Variants in MYLK observed in about 807,000 individuals in gnomAD.
MYLK encodes the protein myosin light chain kinase.
Under a neutral mutation model 203.4 loss-of-function variants are expected in MYLK, and 106 were observed. That is an observed-to-expected ratio of 0.52 (90% CI 0.45 to 0.61). MYLK has a LOEUF of 0.61. Among genes scored for constraint, MYLK ranks in the 20% least tolerant of loss-of-function variants. The probability of loss-of-function intolerance (pLI) is 0.00; values close to 1 mark genes in which losing one functional copy is unlikely to be tolerated. For synonymous variants in MYLK, 867 were observed against 959.5 expected (o/e 0.90, Z 1.78); for missense variants, 2,072 against 2,442.3 (o/e 0.85, Z 3.20).
chr3:123,632,177 C>T (rs971654756), intron 29 of MYLK, among the ~76,000 whole-genome samples: 2 of 152,036 alleles, frequency 1.3e-5, no homozygotes, highest in African/African-American at 4.8e-5. Flanking sequence ...GCCTAGCCAG[C>T]TTCTCCTTTT....
At chr3:123,646,221 AAT>A (rs776091976) in intron 27 of MYLK, among the ~76,000 whole-genome samples, 3 of 152,242 alleles carry the variant, frequency 2.0e-5, no homozygotes, top group Non-Finnish European at 2.9e-5. Flanking sequence ...AGAAAATAAG[AAT>A]ATATATATGT....
At chr3:123,793,635 C>T in intron 4 of MYLK, 42 bp downstream of exon 4, 1 of 1,610,816 alleles carries the variant, frequency 6.2e-7, no homozygotes, top group Non-Finnish European at 8.5e-7. Flanking sequence ...CGGCCCCTGC[C>T]CATCCTTCCC....
rs1256351537 is a variant in MYLK at position 123,648,646 on chromosome 3, T to TC, written c.4415+324dup. 1.3e-5 allele frequency among the ~76,000 whole-genome samples: 2 copies of TC among 152,134 alleles called. No homozygotes were observed. The highest frequency in any genetic ancestry group is 3.9e-4 in the East Asian group (2 of 5,148). ...GTTCTGCTCCCCGCACCCCCTGCTC[T>TC]CCCCTGACAGGCCCCAGTGAGTGTT... is the stretch of plus-strand genomic sequence containing the variant. On this transcript the variant is annotated intron_variant, in intron 26 of 33. Coordinates refer to ENST00000360304, the MANE Select transcript of MYLK (RefSeq NM_053025.4). The surrounding 1 kb of genome is among the most constrained non-coding windows in gnomAD (Gnocchi z 4.5).
Position 123,649,424 on chromosome 3 carries a change from C to T in MYLK, c.4289-230G>A, listed in dbSNP as rs2059134166. ...CCCTCCACTCAGCTCCACTTCTCCA[C>T]CAGGTCTCCCCTCTGTCCCATCCTC... On this transcript the variant is annotated intron_variant, in intron 24 of 33. Transcript: ENST00000360304. Among the ~76,000 whole-genome samples, 5 of 152,244 alleles carry T rather than the reference C, an allele frequency of 3.3e-5. No individual in the cohort carries two copies. In the South Asian group the frequency reaches 1.0e-3, roughly 32 times the overall value.
At chr3:123,834,117 C>A (rs2700355) in intron 2 of MYLK, among the ~76,000 whole-genome samples, 128,123 of 152,194 alleles carry the variant, frequency 0.84, 54,147 homozygotes, top group East Asian at 0.96. Context: ...GCAATCTCAG[C>A]TCACTGCAAC....
rs2057278570 is a variant in MYLK at position 123,612,697 on chromosome 3, A to G, written c.*1408T>C. On this transcript the variant is annotated 3_prime_UTR_variant, in exon 34 of 34. Transcript: ENST00000360304. ...GGAAGATAACATAAGACTAATATCA[A>G]AATTCTAATGTTGATACTGTGTAGG... The G allele has an allele frequency of 6.6e-6, 1 of 152,636 alleles. No individual in the cohort carries two copies. Among genetic ancestry groups the G allele is most frequent in the South Asian group, 2.1e-4 (1 of 4,830 alleles). The allele number at this position is 152,636 out of a possible 1,614,324, so 9.5% of individuals were successfully genotyped here.
At chr3:123,679,459 G>A (rs1371915682) in intron 20 of MYLK, among the ~76,000 whole-genome samples, 2 of 152,082 alleles carry the variant, frequency 1.3e-5, no homozygotes, top group East Asian at 3.9e-4. Flanking sequence ...AGAGTGCAGG[G>A]GTGCAAGCAG....
chr3:123,747,950 G>A (rs182404336), intron 5 of MYLK, among the ~76,000 whole-genome samples: 1 of 152,346 alleles, frequency 6.6e-6, no homozygotes, highest in Non-Finnish European at 1.5e-5. Context: ...TGCTCACTGT[G>A]TGGATGTGTG....
At chr3:123,769,515 T>C (rs1576912094) in intron 4 of MYLK, among the ~76,000 whole-genome samples, 1 of 152,256 alleles carries the variant, frequency 6.6e-6, no homozygotes. Context: ...TTGGCAGCAC[T>C]GAGTAGCTAG....
intron 16 of MYLK, among the ~76,000 whole-genome samples, chr3:123,706,450 T>C (rs1465963202): frequency 6.6e-6 from 1 of 152,084 alleles, no homozygotes; most frequent in Admixed American, 6.5e-5. Flanking sequence ...GAAAGCCCCT[T>C]GCAAAGTGGT....
intron 4 of MYLK, among the ~76,000 whole-genome samples, chr3:123,767,965 C>T (rs950124915): frequency 1.3e-5 from 2 of 152,196 alleles, no homozygotes; most frequent in Non-Finnish European, 2.9e-5. Flanking sequence ...AGCCTGGACT[C>T]CTACCATCAC....
At chr3:123,693,159 GA>G (rs2060751928) in intron 18 of MYLK, among the ~76,000 whole-genome samples, 1 of 152,184 alleles carries the variant, frequency 6.6e-6, no homozygotes, top group Admixed American at 6.5e-5. Context: ...TGCCTTTGGA[GA>G]CCATCCAATA....
At chr3:123,683,695 CAG>C (rs2060348285) in intron 19 of MYLK, among the ~76,000 whole-genome samples, 1 of 152,140 alleles carries the variant, frequency 6.6e-6, no homozygotes, top group Admixed American at 6.5e-5. Context: ...CATGGCAGCT[CAG>C]AAGCAGACAG....
chr3:123,787,487 G>A (rs1464262497), intron 4 of MYLK, among the ~76,000 whole-genome samples: 1 of 152,132 alleles, frequency 6.6e-6, no homozygotes, highest in African/African-American at 2.4e-5. Context: ...GTTCTCCTCA[G>A]GGGCACCAAA....
At chr3:123,863,330 A>G (rs2148693778) in intron 2 of MYLK, among the ~76,000 whole-genome samples, 1 of 150,700 alleles carries the variant, frequency 6.6e-6, no homozygotes, top group East Asian at 1.9e-4. Context: ...TGGGGGTGGT[A>G]AAAGTTTCTT....
At chr3:123,868,362 T>C (rs1189343970) in intron 2 of MYLK, among the ~76,000 whole-genome samples, 1 of 152,196 alleles carries the variant, frequency 6.6e-6, no homozygotes, top group Non-Finnish European at 1.5e-5. Flanking sequence ...ATTATAACAG[T>C]GTTACTTATA....
chr3:123,816,658 CCTT>C (rs777369381), intron 3 of MYLK, among the ~76,000 whole-genome samples: 2 of 152,234 alleles, frequency 1.3e-5, no homozygotes, highest in Non-Finnish European at 2.9e-5. Context: ...ACTTTCTCCT[CCTT>C]CTCCAAATAT....
chr3:123,708,307 T>C (rs1186066516), intron 15 of MYLK, among the ~76,000 whole-genome samples: 3 of 152,222 alleles, frequency 2.0e-5, no homozygotes, highest in Non-Finnish European at 4.4e-5. Context: ...GATTAAGAGT[T>C]GTCACTCACT....
At chr3:123,737,022 C>T (rs1218489856) in intron 8 of MYLK, among the ~76,000 whole-genome samples, 3 of 151,758 alleles carry the variant, frequency 2.0e-5, no homozygotes, top group African/African-American at 7.3e-5. Context: ...CACTTGAGGT[C>T]AGCCTGGCCA....
Sources: gnomAD v4.1 joint callset for allele counts (sites outside exome capture counted in the v4.1 genomes callset) on GRCh38, gnomAD v4.1.1 for gene constraint, Gnocchi (gnomAD v3.1) non-coding constraint, MANE v1.5 for transcripts, NCBI Gene and HGNC (gene_info 2026-07-23, HGNC 2026-07-21) for gene names.